The following ERC1 variants were observed in gnomAD, a reference collection of about 807,000 sequenced individuals.
ERC1 encodes the protein RAB6 interacting protein 2.
A neutral mutation model predicts 132.0 loss-of-function variants in ERC1; 56 were observed. The observed-to-expected ratio is 0.42, with a 90% CI of 0.34 to 0.53. The LOEUF is 0.53. Among genes scored for constraint, ERC1 ranks in the 20% least tolerant of loss-of-function variants. The pLI is 0.03. For synonymous variants in ERC1, 478 were observed against 476.1 expected (o/e 1.00, Z -0.05); for missense variants, 1,202 against 1,349.9 (o/e 0.89, Z 1.72).
At chr12:1,158,495 A>AT in intron 8 of ERC1, among the ~76,000 whole-genome samples, 1 of 151,520 alleles carries the variant, frequency 6.6e-6, no homozygotes, top group Non-Finnish European at 1.5e-5. Flanking sequence ...CAGTGGCATG[A>AT]TCTCGGCTCA....
chr12:1,188,796 T>G (rs560041562), intron 11 of ERC1, among the ~76,000 whole-genome samples: 7 of 152,210 alleles, frequency 4.6e-5, no homozygotes, highest in Non-Finnish European at 1.0e-4. Flanking sequence ...TTTTCTCCTT[T>G]AATATTTTTT....
At chr12:1,418,565 T>C (rs545408354) in intron 17 of ERC1, among the ~76,000 whole-genome samples, 36 of 145,384 alleles carry the variant, frequency 2.5e-4, no homozygotes, top group Non-Finnish European at 5.2e-4. Context: ...GAAGTCTTCA[T>C]TTTCTTTCTT....
At chr12:1,083,621 CT>C (rs575613837) in intron 3 of ERC1, 41 bp downstream of exon 3, 33 of 1,473,610 alleles carry the variant, frequency 2.2e-5, no homozygotes, top group Non-Finnish European at 2.6e-5. Context: ...TGTTGGTTAT[CT>C]TTTTTTTCAC....
intron 14 of ERC1, among the ~76,000 whole-genome samples, chr12:1,268,811 A>G (rs2077636528): frequency 6.6e-6 from 1 of 152,230 alleles, no homozygotes; most frequent in Non-Finnish European, 1.5e-5. Flanking sequence ...GAAGATGTTC[A>G]ACATGTTCCA....
chr12:1,401,518 T>C lies in ERC1; in HGVS notation c.2926-6631T>C, dbSNP rs539442520. ...TTAGTTTTAAAAGGAGAACAGGCTCTGAAGCTAGACTGTTTGTATTAGAGC... is the reference window on the plus strand; with the variant it reads ...TTAGTTTTAAAAGGAGAACAGGCTCCGAAGCTAGACTGTTTGTATTAGAGC... On this transcript the variant is annotated intron_variant, in intron 16 of 18. Coordinates refer to ENST00000360905, the MANE Select transcript of ERC1 (RefSeq NM_178040.4). Among the ~76,000 whole-genome samples the C allele has an allele frequency of 1.8e-4, 27 of 152,314 alleles. No homozygotes were observed. In the South Asian group the frequency reaches 5.6e-3, roughly 32 times the overall value.
chr12:1,328,314 AT>A (rs201227280), intron 15 of ERC1, among the ~76,000 whole-genome samples: 1 of 150,984 alleles, frequency 6.6e-6, no homozygotes, highest in African/African-American at 2.4e-5. Flanking sequence ...GTCCAGCTTA[AT>A]TTTTTTTTGT....
At chr12:1,373,519 C>T (rs981415256) in intron 16 of ERC1, among the ~76,000 whole-genome samples, 5 of 152,182 alleles carry the variant, frequency 3.3e-5, no homozygotes, top group Admixed American at 6.5e-5. Flanking sequence ...CGGTGGCTCA[C>T]GCCTGTAATC....
At chr12:1,417,568 G>C (rs574255460) in intron 17 of ERC1, among the ~76,000 whole-genome samples, 1 of 151,990 alleles carries the variant, frequency 6.6e-6, no homozygotes, top group Non-Finnish European at 1.5e-5. Context: ...TCACCCTAAG[G>C]TCAGGAGTTT....
chr12:1,288,152 C>T (rs2079163519), intron 14 of ERC1, among the ~76,000 whole-genome samples: 1 of 152,110 alleles, frequency 6.6e-6, no homozygotes, highest in South Asian at 2.1e-4. Flanking sequence ...TATTTGTACC[C>T]AGTTTTAGAT....
chr12:1,418,750 T>A (rs1013352527), intron 17 of ERC1, among the ~76,000 whole-genome samples: 2 of 149,700 alleles, frequency 1.3e-5, no homozygotes, highest in African/African-American at 5.0e-5. Context: ...TCTCTCTCTG[T>A]CGCTCAGACT....
intron 16 of ERC1, among the ~76,000 whole-genome samples, chr12:1,384,544 T>A (rs977505569): frequency 1.3e-5 from 2 of 152,252 alleles, no homozygotes; most frequent in East Asian, 3.8e-4. Context: ...AGCATTTTTT[T>A]TAATTTTAAG....
At chr12:1,277,310 T>A (rs751114762) in intron 14 of ERC1, among the ~76,000 whole-genome samples, 23 of 152,234 alleles carry the variant, frequency 1.5e-4, no homozygotes, top group Non-Finnish European at 2.4e-4. Context: ...ATAAACTGAT[T>A]AGAATCATTT....
intron 7 of ERC1, among the ~76,000 whole-genome samples, chr12:1,133,159 G>GT (rs34017253): frequency 0.93 from 139,466 of 150,044 alleles, 65,554 homozygotes; most frequent in Non-Finnish European, 1. Flanking sequence ...CACCTGGCCG[G>GT]TTTTTTTTTG....
intron 8 of ERC1, among the ~76,000 whole-genome samples, chr12:1,168,257 A>G (rs1263141097): frequency 6.6e-6 from 1 of 152,008 alleles, no homozygotes; most frequent in Admixed American, 6.6e-5. Flanking sequence ...AGGAACTAAG[A>G]CTACAGTTGT....
rs74485111 is a variant in ERC1, at chr12:1,156,605, G to A, written c.1737+14818G>A. 8.8e-3 allele frequency among the ~76,000 whole-genome samples: 1,334 copies of A among 152,236 alleles called. 16 individuals are homozygous for A. The highest frequency in any genetic ancestry group is 0.03 in the African/African-American group (1,245 of 41,526). On this transcript the variant is annotated intron_variant, in intron 8 of 18. Transcript: ENST00000360905. ...TCATTCATGAGTTGATATTGTATGC[G>A]TGTAAAATGTCGATAGCTGTTTAAT...
At chr12:1,118,362 C>A (rs1385295196) in intron 7 of ERC1, among the ~76,000 whole-genome samples, 1 of 152,142 alleles carries the variant, frequency 6.6e-6, no homozygotes, top group Non-Finnish European at 1.5e-5. Flanking sequence ...TTGTACCCCC[C>A]TCAAATAATA....
At chr12:998,335 C>G (rs1382312981) in intron 1 of ERC1, 2 of 152,158 alleles carry the variant, frequency 1.3e-5, no homozygotes, top group Non-Finnish European at 2.9e-5. Context: ...TTTTGTAGAT[C>G]AGGAATGTGG....
chr12:1,382,049 A>C (rs1201714068), intron 16 of ERC1, among the ~76,000 whole-genome samples: 1 of 152,212 alleles, frequency 6.6e-6, no homozygotes, highest in African/African-American at 2.4e-5. Flanking sequence ...TTCCCGTTCT[A>C]TAACCATTCC....
At position 1,236,831 on chromosome 12, in the gene ERC1, A is replaced by G; in HGVS notation, c.2414A>G (p.Lys805Arg). 6.2e-7 allele frequency: 1 copy of G among 1,614,146 alleles called. No individual in the cohort carries two copies. The highest frequency in any genetic ancestry group is 1.1e-5 in the South Asian group (1 of 91,076). The stretch of plus-strand genomic sequence containing the variant: ...AAGCACAAGGAACAGGTGGAAAAAA[A>G]GAAGAGTGCACAAATGTTAGAGGAG... The part of the protein sequence containing the change: ...NLKHKEQVEK[K>R]KSAQMLEEAR... Residue 805 changes from lysine to arginine, a missense_variant, in exon 13 of 19, where the codon AAG (lysine) becomes AGG (arginine). Coordinates refer to ENST00000360905, the MANE Select transcript of ERC1 (RefSeq NM_178040.4).
Sources: allele counts gnomAD v4.1 joint callset (sites outside exome capture counted in the v4.1 genomes callset), GRCh38; gene constraint gnomAD v4.1.1; transcripts MANE v1.5; gene names NCBI Gene and HGNC (gene_info 2026-07-23, HGNC 2026-07-21).